Variants in STYXL1 observed in about 807,000 individuals in gnomAD.
STYXL1 encodes serine/threonine/tyrosine interacting like 1, also known as serine/threonine/tyrosine-interacting-like protein 1.
Under a neutral mutation model 36.4 loss-of-function variants are expected in STYXL1, and 32 were observed. The ratio of observed to expected loss-of-function variants is 0.88; its 90% CI spans 0.66 to 1.18. The LOEUF (loss-of-function observed/expected upper bound fraction) is 1.18. STYXL1 is among the 50% of genes most tolerant of loss of function. The pLI is 0.00. For missense variants in STYXL1, 354 were observed against 394.1 expected (o/e 0.90, Z 0.86); for synonymous variants, 133 against 144.1 (o/e 0.92, Z 0.55).
chr7:76,034,259 T>C (rs1795696652), intron 1 of STYXL1, among the ~76,000 whole-genome samples: 1 of 141,970 alleles, frequency 7.0e-6, no homozygotes, highest in Admixed American at 7.1e-5. Context: ...CATGCCACCA[T>C]GGCCGGCTAA....
At chr7:76,000,082 G>A (rs770007328) in intron 8 of STYXL1, among the ~76,000 whole-genome samples, 76 of 151,694 alleles carry the variant, frequency 5.0e-4, no homozygotes, top group Non-Finnish European at 8.2e-4. Flanking sequence ...TCCCAGCTAC[G>A]CGGGAGGCAG....
At chr7:76,028,564 G>T in intron 3 of STYXL1, 78 bp downstream of exon 3, 1 of 1,348,968 alleles carries the variant, frequency 7.4e-7, no homozygotes, top group Non-Finnish European at 1.1e-6. Flanking sequence ...CCGCTGGATT[G>T]AGGGTGAAAC....
Position 76,003,825 on chromosome 7 carries a change from G to T in STYXL1, c.630C>A (p.His210Gln). ...CTTCCGGGGAATCTTCTATCCGGATGTGCAGAAGCTTGTCAGCATCGCCTG... is the reference window on the plus strand; with the variant it reads ...CTTCCGGGGAATCTTCTATCCGGATTTGCAGAAGCTTGTCAGCATCGCCTG... The part of the protein sequence containing the change: ...FFAGDADKLL[H>Q]IRIEDSPEAQ... The change falls in exon 7 of 9, where the codon CAC (histidine) becomes CAA (glutamine). Residue 210 changes from histidine (H) to glutamine (Q), a missense_variant. Transcript: ENST00000359697. The T allele has an allele frequency of 6.2e-7, 1 of 1,614,236 alleles. No homozygotes were observed. Among genetic ancestry groups the T allele is most frequent in the Non-Finnish European group, 8.5e-7 (1 of 1,180,042 alleles).
Position 76,028,662 on chromosome 7 carries a change from T to G in STYXL1, c.145A>C (p.Thr49Pro). ...KWEYDESHVI[T>P]ALRVKKKNNE... ...TGTACCTTCTTCACTCGAAGGGCAGTGATCACATGGCTTTCGTCATACTCC... is the reference window on the plus strand; with the variant it reads ...TGTACCTTCTTCACTCGAAGGGCAGGGATCACATGGCTTTCGTCATACTCC... Residue 49 changes from threonine to proline, a missense_variant, in exon 3 of 9, where the codon ACT (threonine) becomes CCT (proline). Transcript: ENST00000359697. 1 of 1,614,140 alleles carries G rather than the reference T, an allele frequency of 6.2e-7. No individual in the cohort carries two copies. Among genetic ancestry groups the G allele is most frequent in the African/African-American group, 1.3e-5 (1 of 75,048 alleles).
chr7:76,029,508 G>A (rs1309321074), intron 2 of STYXL1, among the ~76,000 whole-genome samples: 1 of 152,092 alleles, frequency 6.6e-6, no homozygotes, highest in Non-Finnish European at 1.5e-5. Flanking sequence ...TGGTTTCATG[G>A]AAGACAATTT....
At chr7:76,041,380 T>C (rs1246296472) in intron 1 of STYXL1, among the ~76,000 whole-genome samples, 2 of 152,002 alleles carry the variant, frequency 1.3e-5, no homozygotes, top group African/African-American at 4.8e-5. Context: ...GAGGGTGTGT[T>C]ATGGTTTGAA....
At chr7:76,008,516 T>C (rs1316573073) in intron 5 of STYXL1, among the ~76,000 whole-genome samples, 1 of 152,114 alleles carries the variant, frequency 6.6e-6, no homozygotes, top group Non-Finnish European at 1.5e-5. Flanking sequence ...CTTCCCAAGC[T>C]ACCAGCTTCG....
At chr7:75,999,507 G>A (rs1167312993) in intron 8 of STYXL1, among the ~76,000 whole-genome samples, 2 of 82,772 alleles carry the variant, frequency 2.4e-5, no homozygotes, top group African/African-American at 5.0e-5. Flanking sequence ...GTGTGTGTGT[G>A]TGTATGTGTG....
At chr7:75,998,576 G>A (rs1790416583) in intron 8 of STYXL1, 2 of 152,208 alleles carry the variant, frequency 1.3e-5, no homozygotes, top group Non-Finnish European at 2.9e-5. Flanking sequence ...GGGATTACAG[G>A]TGTGAGCCAC....
chr7:76,036,873 C>T (rs1795962268), intron 1 of STYXL1, among the ~76,000 whole-genome samples: 1 of 143,816 alleles, frequency 7.0e-6, no homozygotes, highest in African/African-American at 2.5e-5. Context: ...CAACCTCCGC[C>T]TCCCGGGTTC....
chr7:76,022,733 A>G (rs1444715140), intron 3 of STYXL1, among the ~76,000 whole-genome samples: 3 of 152,030 alleles, frequency 2.0e-5, no homozygotes, highest in African/African-American at 7.3e-5. Context: ...TAGAAGCAGA[A>G]GTCATGAGTG....
At chr7:76,038,797 T>G (rs997512625) in intron 1 of STYXL1, among the ~76,000 whole-genome samples, 1 of 148,428 alleles carries the variant, frequency 6.7e-6, no homozygotes, top group Admixed American at 6.6e-5. Flanking sequence ...TTTTGCTGTT[T>G]TCTCTTAGAG....
intron 4 of STYXL1, among the ~76,000 whole-genome samples, chr7:76,016,326 A>C (rs922561882): frequency 4.0e-5 from 6 of 151,690 alleles, no homozygotes; most frequent in African/African-American, 1.2e-4. Context: ...ATATCTATAC[A>C]TATGTGTGTA....
chr7:76,023,940 G>C (rs937213694), intron 3 of STYXL1, among the ~76,000 whole-genome samples: 11 of 152,156 alleles, frequency 7.2e-5, no homozygotes, highest in African/African-American at 2.7e-4. Flanking sequence ...TTGAACCCGG[G>C]AGGCAGAGGT....
intron 1 of STYXL1, 109 bp from the exon 2 acceptor site, chr7:76,030,636 T>C (rs1795225886): frequency 4.4e-6 from 3 of 678,956 alleles, no homozygotes; most frequent in Non-Finnish European, 5.3e-6. Context: ...CAAGCAAAGA[T>C]GACAGTAATC....
chr7:76,021,139 G>A (rs1392456312), intron 4 of STYXL1, among the ~76,000 whole-genome samples: 6 of 150,522 alleles, frequency 4.0e-5, no homozygotes, highest in South Asian at 2.1e-4. Flanking sequence ...GTGCAGTGGC[G>A]TGATCTCCGC....
At chr7:76,040,346 G>C (rs1796360580) in intron 1 of STYXL1, among the ~76,000 whole-genome samples, 1 of 152,134 alleles carries the variant, frequency 6.6e-6, no homozygotes, top group Admixed American at 6.5e-5. Flanking sequence ...TCCCTTCTCA[G>C]GCCTCAGGCT....
intron 4 of STYXL1, among the ~76,000 whole-genome samples, chr7:76,019,999 C>G (rs112970100): frequency 2.0e-5 from 3 of 150,740 alleles, no homozygotes; most frequent in African/African-American, 7.3e-5. Context: ...CCCCCAAAGA[C>G]TTTTCATTGA....
chr7:76,046,106 C>G (rs182829394), intron 1 of STYXL1: 2 of 152,302 alleles, frequency 1.3e-5, no homozygotes, highest in Non-Finnish European at 2.9e-5. Flanking sequence ...TTTTATTTGG[C>G]CTTTTTTCTC....
Sources: gnomAD v4.1 joint callset for allele counts (sites outside exome capture counted in the v4.1 genomes callset) on GRCh38, gnomAD v4.1.1 for gene constraint, MANE v1.5 for transcripts, NCBI Gene and HGNC (gene_info 2026-07-23, HGNC 2026-07-21) for gene names.